Variants in ACVR1B observed in about 807,000 individuals in gnomAD.
ACVR1B encodes activin receptor type-1B.
Under a neutral mutation model 55.6 loss-of-function variants are expected in ACVR1B, and 15 were observed. The ratio of observed to expected loss-of-function variants is 0.27; its 90% CI spans 0.18 to 0.42. ACVR1B has a LOEUF of 0.42. ACVR1B is among the 10% of genes least tolerant of loss of function. ACVR1B has a pLI of 1.00. For missense variants in ACVR1B, 359 were observed against 670.1 expected (o/e 0.54, Z 5.13); for synonymous variants, 247 against 254.6 (o/e 0.97, Z 0.28).
intron 1 of ACVR1B, among the ~76,000 whole-genome samples, chr12:51,952,130 A>G (rs1941309974): frequency 6.6e-6 from 1 of 151,772 alleles, no homozygotes; most frequent in South Asian, 2.1e-4. Flanking sequence ...TGTTCCAGAG[A>G]GGGGAGTCTG....
chr12:51,955,186 A>T (rs1284571814), intron 1 of ACVR1B, among the ~76,000 whole-genome samples: 1 of 152,214 alleles, frequency 6.6e-6, no homozygotes, highest in Non-Finnish European at 1.5e-5. Flanking sequence ...CAGAATGGTG[A>T]CTGTGAACAC....
chr12:51,960,717 T>G (rs1941503689), intron 1 of ACVR1B, among the ~76,000 whole-genome samples: 1 of 152,172 alleles, frequency 6.6e-6, no homozygotes, highest in South Asian at 2.1e-4. Flanking sequence ...TATTGTACTG[T>G]GCTATAAACT....
intron 8 of ACVR1B, among the ~76,000 whole-genome samples, chr12:51,993,361 C>T (rs535299407): frequency 2.6e-5 from 4 of 152,300 alleles, no homozygotes; most frequent in Admixed American, 6.5e-5. Context: ...CACTTCTCAC[C>T]GCACTCCTTG....
intron 8 of ACVR1B, 52 bp downstream of exon 8, chr12:51,992,045 A>AG (rs757702289): frequency 1.2e-6 from 2 of 1,613,762 alleles, no homozygotes; most frequent in Admixed American, 3.3e-5. Context: ...TCTCCACCTT[A>AG]GAAAAGGGTT....
chr12:51,975,982 AAAAGGAGAG>A (rs1175494124), intron 2 of ACVR1B, among the ~76,000 whole-genome samples: 96 of 152,350 alleles, frequency 6.3e-4, no homozygotes, highest in African/African-American at 2.2e-3. Flanking sequence ...AGCCCACAGG[AAAAGGAGAG>A]AAACTAAAGC....
chr12:51,986,991 G>C (rs1942091838), intron 7 of ACVR1B, 49 bp downstream of exon 7: 1 of 1,613,998 alleles, frequency 6.2e-7, no homozygotes, highest in South Asian at 1.1e-5. Flanking sequence ...CAGGATGCTG[G>C]ATCACCCAAA....
At chr12:51,967,336 G>C (rs1398126233) in intron 1 of ACVR1B, among the ~76,000 whole-genome samples, 1 of 151,896 alleles carries the variant, frequency 6.6e-6, no homozygotes, top group Non-Finnish European at 1.5e-5. Flanking sequence ...AGGCTGGTGG[G>C]TCACCTGAGG....
At chr12:51,989,278 A>T (rs762112170) in intron 7 of ACVR1B, among the ~76,000 whole-genome samples, 1 of 152,086 alleles carries the variant, frequency 6.6e-6, no homozygotes, top group Non-Finnish European at 1.5e-5. Context: ...AGAAAAATTA[A>T]TTGGCTTTTT....
intron 5 of ACVR1B, 29 bp from the exon 6 acceptor site, chr12:51,985,163 G>C (rs1384171816): frequency 1.1e-5 from 18 of 1,590,864 alleles, no homozygotes; most frequent in Non-Finnish European, 1.5e-5. Flanking sequence ...TCATCTCTTT[G>C]TAAAGATCCC....
At chr12:51,990,782 A>G (rs1049314210) in intron 7 of ACVR1B, among the ~76,000 whole-genome samples, 3 of 150,790 alleles carry the variant, frequency 2.0e-5, no homozygotes, top group Admixed American at 6.6e-5. Context: ...TTTTCTTCCC[A>G]CTCTGTTTTT....
At position 51,977,874 on chromosome 12, in the gene ACVR1B, G is replaced by GA. The variant is rs936721026; in HGVS notation, c.580+1307dup. 1.2e-4 allele frequency among the ~76,000 whole-genome samples: 16 copies of GA among 137,878 alleles called. 1 individual carries two copies. Among genetic ancestry groups the GA allele is most frequent in the Non-Finnish European group, 1.7e-4 (11 of 64,614 alleles). 90.5% of individuals were successfully genotyped at this position (137,878 alleles called of 152,430 possible). A position where few individuals can be genotyped will look rare whatever the true frequency, so the allele number is the denominator to read the frequency against. Reference sequence around the variant, plus strand: ...TGGCTTCAAGTCCATTCTTAAAAAAGAAAAAAAACATCCACAAAGATCACT... The same window carrying GA: ...TGGCTTCAAGTCCATTCTTAAAAAAGAAAAAAAAACATCCACAAAGATCACT... On this transcript the variant is annotated intron_variant, in intron 3 of 8. Coordinates refer to ENST00000257963, the MANE Select transcript of ACVR1B (RefSeq NM_004302.5).
chr12:51,976,456 G>GT lies in ACVR1B; in HGVS notation c.462dup (p.Val155CysfsTer16). On this transcript the variant is annotated frameshift_variant, in exon 3 of 9. Transcript: ENST00000257963. LOFTEE classifies it high-confidence loss of function. The stretch of plus-strand genomic sequence containing the variant: ...TTCCTTGTCATTAACTATCATCAGC[G>GT]TGTCTATCACAACCGCCAGAGACTG... 1 of 1,614,090 alleles carries GT rather than the reference G, an allele frequency of 6.2e-7. No individual in the cohort carries two copies. The highest frequency in any genetic ancestry group is 8.5e-7 in the Non-Finnish European group (1 of 1,180,030).
In ACVR1B at chr12:51,994,191, C is replaced by G; in HGVS notation, c.*81C>G. On this transcript the variant is annotated 3_prime_UTR_variant, in exon 9 of 9. Coordinates refer to ENST00000257963, the MANE Select transcript of ACVR1B (RefSeq NM_004302.5). This position sits in a 1 kb window ranked among gnomAD's most constrained non-coding sequence, Gnocchi z 4.2. ...CGTTGAGCGTACGATGGAGGCCTAC[C>G]TCTCGTTTCTGCCCAGCCCTCTGTG... 1 of 1,560,770 alleles carries G rather than the reference C, an allele frequency of 6.4e-7. No individual in the cohort carries two copies. The highest frequency in any genetic ancestry group is 8.6e-7 in the Non-Finnish European group (1 of 1,156,550).
chr12:51,986,384 G>A (rs1942076362), intron 6 of ACVR1B, among the ~76,000 whole-genome samples: 1 of 152,108 alleles, frequency 6.6e-6, no homozygotes, highest in African/African-American at 2.4e-5. Flanking sequence ...TCAGCCTCCC[G>A]AGTAGCTGGG....
Position 51,996,823 on chromosome 12 carries a change from C to G in ACVR1B, c.*2713C>G, listed in dbSNP as rs1200105825. On this transcript the variant is annotated 3_prime_UTR_variant, in exon 9 of 9. Coordinates refer to ENST00000257963, the MANE Select transcript of ACVR1B (RefSeq NM_004302.5). ...TAACCCTGATCCATAGTGCTACCTG[C>G]ACCTCTGGATTCTGGATTCACAGAC... 1 of 152,628 alleles carries G rather than the reference C, an allele frequency of 6.6e-6. No homozygotes were observed. Among genetic ancestry groups the G allele is most frequent in the African/African-American group, 2.4e-5 (1 of 41,442 alleles). 9.5% of individuals were successfully genotyped at this position (152,628 alleles called of 1,614,324 possible).
chr12:51,980,843 T>C, intron 3 of ACVR1B, 126 bp from the exon 4 acceptor site: 1 of 744,826 alleles, frequency 1.3e-6, no homozygotes, highest in Non-Finnish European at 2.2e-6. Context: ...CAGCTCTCCA[T>C]GGTTAATGGA....
rs570442846 is a variant in ACVR1B at position 51,966,678 on chromosome 12, A to G, written c.92-8587A>G. Among the ~76,000 whole-genome samples the G allele has an allele frequency of 9.2e-5, 14 of 152,162 alleles. No homozygotes were observed. In the South Asian group the frequency reaches 2.9e-3, roughly 32 times the overall value. On this transcript the variant is annotated intron_variant, in intron 1 of 8. Transcript: ENST00000257963. ...TGCCCAGGCTGATCTCAAACTCCTG[A>G]GCTCAAGAGATCCTCCCACCTCAGC...
intron 7 of ACVR1B, among the ~76,000 whole-genome samples, 166 bp from the exon 8 acceptor site, chr12:51,991,697 C>T (rs1942193377): frequency 1.3e-5 from 2 of 152,194 alleles, no homozygotes; most frequent in Admixed American, 1.3e-4. Context: ...CCACCATGCC[C>T]GGCCCCTTTT....
At chr12:51,958,939 C>T (rs1239854769) in intron 1 of ACVR1B, among the ~76,000 whole-genome samples, 1 of 152,180 alleles carries the variant, frequency 6.6e-6, no homozygotes, top group Admixed American at 6.5e-5. Context: ...TATTGAGCAC[C>T]TGTCATATAC....
Sources: allele counts gnomAD v4.1 joint callset (sites outside exome capture counted in the v4.1 genomes callset), GRCh38; gene constraint gnomAD v4.1.1; non-coding constraint Gnocchi (gnomAD v3.1); transcripts MANE v1.5; gene names NCBI Gene and HGNC (gene_info 2026-07-23, HGNC 2026-07-21).